RAB38: variants seen among roughly 807,000 people sequenced by gnomAD.
RAB38 encodes RAB38, member RAS oncogene family, also known as ras-related protein Rab-38.
RAB38 carries 15 observed loss-of-function variants against 18.4 expected under a neutral mutation model. That is an observed-to-expected ratio of 0.82 (90% confidence interval 0.55 to 1.26). The LOEUF (loss-of-function observed/expected upper bound fraction) is 1.26. Ranked by LOEUF, RAB38 falls within the 50% of genes most tolerant of loss-of-function variation. The probability of loss-of-function intolerance (pLI) is 0.00; values close to 1 mark genes in which losing one functional copy is unlikely to be tolerated. For missense variants in RAB38, 294 were observed against 267.4 expected (o/e 1.10, Z -0.69); for synonymous variants, 101 against 104.4 (o/e 0.97, Z 0.20).
At chr11:87,966,899 G>T in the RAB38 span, among the ~76,000 whole-genome samples, 1 of 152,280 alleles carries the variant, frequency 6.6e-6, no homozygotes, top group South Asian at 2.1e-4. Flanking sequence ...CAAAAGAGAG[G>T]CTTATAAGAG....
the RAB38 span, among the ~76,000 whole-genome samples, chr11:87,849,670 GT>G: frequency 6.6e-6 from 1 of 152,056 alleles, no homozygotes; most frequent in Non-Finnish European, 1.5e-5. Flanking sequence ...TGGACATAGT[GT>G]TTAATAACTT....
At chr11:87,891,403 C>G in the RAB38 span, among the ~76,000 whole-genome samples, 1 of 151,956 alleles carries the variant, frequency 6.6e-6, no homozygotes, top group East Asian at 2.0e-4. Context: ...ATGACTACCA[C>G]TTAATGAGAT....
chr11:87,962,493 G>A, the RAB38 span, among the ~76,000 whole-genome samples: 1 of 147,178 alleles, frequency 6.8e-6, no homozygotes, highest in Non-Finnish European at 1.5e-5. Flanking sequence ...CCAGAGGCTT[G>A]GCGGGGGCAG....
chr11:88,073,260 G>C, the RAB38 span, among the ~76,000 whole-genome samples: 298 of 152,290 alleles, frequency 2.0e-3, 1 homozygote, highest in Non-Finnish European at 2.7e-3. Context: ...CTGTAACTCA[G>C]CCAAAGGAGA....
chr11:87,976,403 A>T, the RAB38 span, among the ~76,000 whole-genome samples: 1,060 of 126,124 alleles, frequency 8.4e-3, 10 homozygotes, highest in African/African-American at 0.032. Context: ...ACACATATTT[A>T]TATATTTATA....
At chr11:87,927,556 G>A in the RAB38 span, among the ~76,000 whole-genome samples, 1 of 151,778 alleles carries the variant, frequency 6.6e-6, no homozygotes, top group South Asian at 2.1e-4. Context: ...TCCAATCTAA[G>A]AAGCCTTCCT....
At chr11:87,937,438 A>G in the RAB38 span, among the ~76,000 whole-genome samples, 1 of 149,252 alleles carries the variant, frequency 6.7e-6, no homozygotes, top group Non-Finnish European at 1.5e-5. Flanking sequence ...TGGTTTTTAT[A>G]TTGGAGCATT....
Position 88,145,194 on chromosome 11 carries a change from G to A in RAB38, c.483+4481C>T, listed in dbSNP as rs568528537. Among the ~76,000 whole-genome samples the A allele has an allele frequency of 6.6e-5, 10 of 151,866 alleles. No homozygotes were observed. In the East Asian group the frequency reaches 1.6e-3, roughly 24 times the overall value. On this transcript the variant is annotated intron_variant, in intron 2 of 2. Transcript: ENST00000243662. ...GATGGAGTTTTGCTCAAGTCGCCCA[G>A]GCTGGTGAGCAATGGCGCGATCTCA...
the RAB38 span, among the ~76,000 whole-genome samples, chr11:87,885,994 T>A: frequency 6.6e-6 from 1 of 152,000 alleles, no homozygotes; most frequent in Non-Finnish European, 1.5e-5. Flanking sequence ...AGGGCTTGCA[T>A]GTCTGCTAGA....
chr11:88,155,481 A>G (rs1230208519), intron 1 of RAB38, among the ~76,000 whole-genome samples: 1 of 152,226 alleles, frequency 6.6e-6, no homozygotes, highest in African/African-American at 2.4e-5. Flanking sequence ...AAGGAAAAGG[A>G]AAAAGGAAAG....
At position 88,175,431 on chromosome 11, in the gene RAB38, C is replaced by G. The variant is rs375828965; in HGVS notation, c.-47G>C. 2.1e-5 allele frequency: 29 copies of G among 1,409,458 alleles called. No individual in the cohort carries two copies. Among genetic ancestry groups the G allele is most frequent in the African/African-American group, 1.9e-4 (13 of 68,418 alleles). The allele number at this position is 1,409,458 out of a possible 1,614,324, so 87.3% of individuals were successfully genotyped here. On this transcript the variant is annotated 5_prime_UTR_variant, in exon 1 of 3. Transcript: ENST00000243662. ...CCGTGCCTGACCAGGGAAGCGCAGC[C>G]TGGGCTCTGCGCACGAGAGAGACTT...
chr11:87,829,527 G>T, the RAB38 span, among the ~76,000 whole-genome samples: 1 of 152,078 alleles, frequency 6.6e-6, no homozygotes, highest in East Asian at 1.9e-4. Context: ...AGAGCAGGGA[G>T]AACTGCCTCA....
the RAB38 span, among the ~76,000 whole-genome samples, chr11:87,914,486 G>GC: frequency 1.1e-4 from 16 of 152,096 alleles, no homozygotes; most frequent in Non-Finnish European, 1.5e-4. Context: ...ACTTTTCACT[G>GC]CTCATGCTCA....
At chr11:88,157,392 T>C (rs1271084838) in intron 1 of RAB38, among the ~76,000 whole-genome samples, 2 of 152,170 alleles carry the variant, frequency 1.3e-5, no homozygotes, top group African/African-American at 4.8e-5. Flanking sequence ...CACATAATAA[T>C]AGTGGGGGAC....
chr11:87,815,116 A>G, the RAB38 span: 1 of 152,172 alleles, frequency 6.6e-6, no homozygotes, highest in East Asian at 1.9e-4. Context: ...TGTCTGTCAA[A>G]TAGTAACAAA....
the RAB38 span, among the ~76,000 whole-genome samples, chr11:87,895,763 T>C: frequency 6.6e-6 from 1 of 151,716 alleles, no homozygotes; most frequent in East Asian, 2.0e-4. Flanking sequence ...TGCTGGCCAC[T>C]GAGCCACAAA....
At chr11:88,062,767 G>A in the RAB38 span, among the ~76,000 whole-genome samples, 1 of 152,120 alleles carries the variant, frequency 6.6e-6, no homozygotes, top group African/African-American at 2.4e-5. Flanking sequence ...AGCAAGTCTT[G>A]GAGTTTCTTT....
At chr11:88,145,862 T>A (rs527644337) in intron 2 of RAB38, among the ~76,000 whole-genome samples, 1 of 152,076 alleles carries the variant, frequency 6.6e-6, no homozygotes, top group Non-Finnish European at 1.5e-5. Context: ...AACCAGGAAT[T>A]TGGGGGGCAA....
chr11:88,015,180 C>G, the RAB38 span, among the ~76,000 whole-genome samples: 2 of 152,052 alleles, frequency 1.3e-5, no homozygotes, highest in African/African-American at 4.8e-5. Flanking sequence ...TAGTACTCAT[C>G]TATCTACTCA....
Sources: allele counts gnomAD v4.1 joint callset (sites outside exome capture counted in the v4.1 genomes callset), GRCh38; gene constraint gnomAD v4.1.1; transcripts MANE v1.5; gene names NCBI Gene and HGNC (gene_info 2026-07-23, HGNC 2026-07-21).